The following ELMO1 variants were observed in gnomAD, a reference collection of about 807,000 sequenced individuals.
ELMO1 encodes the protein engulfment and cell motility 1.
ELMO1 carries 26 observed loss-of-function variants against 98.9 expected under a neutral mutation model. The ratio of observed to expected loss-of-function variants is 0.26; its 90% CI spans 0.19 to 0.36. ELMO1 has a LOEUF of 0.36. Ranked by LOEUF, ELMO1 falls within the 10% of genes least tolerant of loss-of-function variation. The pLI is 1.00. For synonymous variants in ELMO1, 346 were observed against 346.0 expected, an observed-to-expected ratio of 1.00 and a Z score of 0.00; for missense variants, 627 against 935.2, an observed-to-expected ratio of 0.67 and a Z score of 4.30.
At chr7:36,877,157 A>C (rs1584291254) in intron 19 of ELMO1, among the ~76,000 whole-genome samples, 1 of 152,224 alleles carries the variant, frequency 6.6e-6, no homozygotes, top group Admixed American at 6.5e-5. Flanking sequence ...GGGTAAGGAC[A>C]CTGTCTGGGA....
chr7:36,884,747 C>T (rs1804789621), intron 18 of ELMO1, among the ~76,000 whole-genome samples: 1 of 152,196 alleles, frequency 6.6e-6, no homozygotes, highest in South Asian at 2.1e-4. Context: ...CACAGTCGAG[C>T]ACTCTCTATT....
At chr7:37,375,227 T>C (rs1049961401) in intron 1 of ELMO1, among the ~76,000 whole-genome samples, 2 of 152,172 alleles carry the variant, frequency 1.3e-5, no homozygotes, top group African/African-American at 4.8e-5. Context: ...GCTAAACACT[T>C]GGTAACTGAA....
At chr7:36,893,088 A>C (rs1451995735) in intron 17 of ELMO1, among the ~76,000 whole-genome samples, 1 of 152,244 alleles carries the variant, frequency 6.6e-6, no homozygotes, top group African/African-American at 2.4e-5. Flanking sequence ...GTCAAGGTCA[A>C]ACATAATTCA....
chr7:36,882,454 C>G (rs745736848), intron 18 of ELMO1, among the ~76,000 whole-genome samples: 1 of 152,190 alleles, frequency 6.6e-6, no homozygotes, highest in African/African-American at 2.4e-5. Context: ...GATACAGAGA[C>G]GAAGGGCATC....
At chr7:37,133,672 C>A (rs377141109) in intron 13 of ELMO1, among the ~76,000 whole-genome samples, 1 of 152,170 alleles carries the variant, frequency 6.6e-6, no homozygotes, top group East Asian at 1.9e-4. Flanking sequence ...GACTCCGCAT[C>A]CTTACGTGGG....
At chr7:37,386,722 A>G (rs1802819901) in intron 1 of ELMO1, among the ~76,000 whole-genome samples, 1 of 152,106 alleles carries the variant, frequency 6.6e-6, no homozygotes, top group Non-Finnish European at 1.5e-5. Context: ...TCCAGGGTCC[A>G]AACTCATGTC....
At chr7:37,138,968 G>A (rs1402399229) in intron 13 of ELMO1, among the ~76,000 whole-genome samples, 1 of 152,106 alleles carries the variant, frequency 6.6e-6, no homozygotes, top group African/African-American at 2.4e-5. Context: ...AATCAAAAAC[G>A]AAAATCATAT....
chr7:37,380,224 A>G (rs564554374), intron 1 of ELMO1, among the ~76,000 whole-genome samples: 1 of 152,290 alleles, frequency 6.6e-6, no homozygotes, highest in South Asian at 2.1e-4. Flanking sequence ...CCTTTCTACT[A>G]TTTAGCCATC....
At chr7:37,192,846 T>C (rs1189329811) in intron 13 of ELMO1, among the ~76,000 whole-genome samples, 2 of 145,788 alleles carry the variant, frequency 1.4e-5, no homozygotes, top group African/African-American at 5.0e-5. Context: ...ATATATGACA[T>C]ATATATTTAT....
At chr7:37,353,058 G>A (rs1418059188) in intron 1 of ELMO1, 1 of 152,106 alleles carries the variant, frequency 6.6e-6, no homozygotes, top group Non-Finnish European at 1.5e-5. Flanking sequence ...GTCCATTTGC[G>A]GCACCTGCTG....
At chr7:37,256,522 G>A (rs1795652248) in intron 6 of ELMO1, among the ~76,000 whole-genome samples, 1 of 135,010 alleles carries the variant, frequency 7.4e-6, no homozygotes, top group Non-Finnish European at 1.5e-5. Flanking sequence ...AGGAGAAGGA[G>A]GAAGGAAGGA....
chr7:37,167,253 C>T (rs1358383396), intron 13 of ELMO1, among the ~76,000 whole-genome samples: 2 of 151,958 alleles, frequency 1.3e-5, no homozygotes, highest in African/African-American at 4.8e-5. Context: ...AGATGGGTTT[C>T]CTGAATACAG....
intron 16 of ELMO1, among the ~76,000 whole-genome samples, chr7:36,921,261 T>C (rs1055382671): frequency 2.0e-5 from 3 of 152,220 alleles, no homozygotes; most frequent in African/African-American, 7.2e-5. Context: ...TGAGAAGCAG[T>C]GTGGCCCTGT....
intron 1 of ELMO1, among the ~76,000 whole-genome samples, chr7:37,385,350 T>G (rs903943468): frequency 2.0e-5 from 3 of 152,130 alleles, no homozygotes; most frequent in Non-Finnish European, 2.9e-5. Flanking sequence ...CCCCCTCCCC[T>G]CCAGCCACAC....
intron 15 of ELMO1, among the ~76,000 whole-genome samples, chr7:37,030,723 G>GT (rs1331384861): frequency 6.6e-6 from 1 of 152,040 alleles, no homozygotes; most frequent in Non-Finnish European, 1.5e-5. Context: ...TCATAGATTT[G>GT]TTTTTTGTTT....
intron 7 of ELMO1, among the ~76,000 whole-genome samples, chr7:37,237,977 A>C (rs1311271067): frequency 1.3e-5 from 2 of 152,338 alleles, no homozygotes; most frequent in East Asian, 3.9e-4. Flanking sequence ...CAGTCAACGA[A>C]ACTCTTCAAC....
intron 1 of ELMO1, among the ~76,000 whole-genome samples, chr7:37,448,216 C>G (rs919894059): frequency 6.6e-6 from 1 of 152,044 alleles, no homozygotes; most frequent in Non-Finnish European, 1.5e-5. Context: ...AGCCGCTTCT[C>G]TAGCTCTATA....
chr7:37,109,711 G>C (rs1448316801), intron 14 of ELMO1, among the ~76,000 whole-genome samples: 1 of 152,146 alleles, frequency 6.6e-6, no homozygotes, highest in Non-Finnish European at 1.5e-5. Context: ...TTGGTTAACA[G>C]TTCTGATTCC....
intron 1 of ELMO1, among the ~76,000 whole-genome samples, chr7:37,386,628 T>C (rs2131403685): frequency 6.6e-6 from 1 of 150,918 alleles, no homozygotes; most frequent in East Asian, 1.9e-4. Flanking sequence ...CCACACTCAG[T>C]TCAGGTAAGT....
Sources: allele counts gnomAD v4.1 joint callset (sites outside exome capture counted in the v4.1 genomes callset), GRCh38; gene constraint gnomAD v4.1.1; transcripts MANE v1.5; gene names NCBI Gene and HGNC (gene_info 2026-07-23, HGNC 2026-07-21).